R3HDM1: variants seen among roughly 807,000 people sequenced by gnomAD.
R3HDM1 encodes R3H domain containing 1.
A neutral mutation model predicts 141.1 loss-of-function variants in R3HDM1; 46 were observed. The observed-to-expected ratio is 0.33, with a 90% confidence interval of 0.26 to 0.42. The LOEUF is 0.42. Ranked by LOEUF, R3HDM1 falls within the 10% of genes least tolerant of loss-of-function variation. R3HDM1 has a pLI of 1.00. For synonymous variants in R3HDM1, 435 were observed against 472.9 expected (o/e 0.92, Z 1.04); for missense variants, 1,184 against 1,368.3 (o/e 0.87, Z 2.12).
chr2:135,658,585 G>A (rs2066233901), intron 18 of R3HDM1, among the ~76,000 whole-genome samples: 1 of 152,132 alleles, frequency 6.6e-6, no homozygotes. Flanking sequence ...TTTTACTACT[G>A]TAGACTTCAT....
intron 1 of R3HDM1, among the ~76,000 whole-genome samples, chr2:135,556,413 A>T (rs1700772491): frequency 6.6e-6 from 1 of 152,198 alleles, no homozygotes; most frequent in African/African-American, 2.4e-5. Flanking sequence ...GTTTTTTGAA[A>T]ACACTAGAAC....
intron 1 of R3HDM1, chr2:135,550,264 C>G (rs1699581959): frequency 1.0e-6 from 1 of 966,666 alleles, no homozygotes; most frequent in Admixed American, 6.2e-5. Flanking sequence ...TGTTTTTAGT[C>G]TAGCATTTAA....
chr2:135,606,818 A>G (rs990877545), intron 3 of R3HDM1: 2 of 151,792 alleles, frequency 1.3e-5, no homozygotes, highest in African/African-American at 4.8e-5. Context: ...TTGCTTTGCA[A>G]TTAAAGAATT....
At chr2:135,679,201 T>C (rs1282455417) in intron 20 of R3HDM1, among the ~76,000 whole-genome samples, 1 of 151,858 alleles carries the variant, frequency 6.6e-6, no homozygotes, top group Non-Finnish European at 1.5e-5. Flanking sequence ...GAACCCTTTA[T>C]GCCTGTGTTG....
intron 1 of R3HDM1, among the ~76,000 whole-genome samples, chr2:135,599,062 C>T (rs2059415768): frequency 6.6e-6 from 1 of 152,122 alleles, no homozygotes; most frequent in Admixed American, 6.5e-5. Flanking sequence ...AAAAAGATTT[C>T]CTATATATCC....
chr2:135,561,253 CT>C (rs1474424279), intron 1 of R3HDM1: 1 of 975,096 alleles, frequency 1.0e-6, no homozygotes, highest in Non-Finnish European at 1.2e-6. Flanking sequence ...AAATTTTTCT[CT>C]TTTTAGTGAG....
chr2:135,677,608 G>A (rs961941522), intron 20 of R3HDM1, among the ~76,000 whole-genome samples: 2 of 152,054 alleles, frequency 1.3e-5, no homozygotes, highest in Non-Finnish European at 2.9e-5. Flanking sequence ...CAGAGCTAAG[G>A]TAGTGGTCAT....
At chr2:135,645,146 A>T in intron 15 of R3HDM1, 1 of 333,020 alleles carries the variant, frequency 3.0e-6, no homozygotes, top group Admixed American at 4.6e-5. Flanking sequence ...GTACCCCATA[A>T]TAAGAAATGC....
intron 1 of R3HDM1, among the ~76,000 whole-genome samples, chr2:135,595,114 C>T (rs1710327062): frequency 6.6e-6 from 1 of 152,086 alleles, no homozygotes; most frequent in African/African-American, 2.4e-5. Context: ...TCTATATATC[C>T]AATTTTCTGT....
chr2:135,628,824 C>T (rs1199569800), intron 7 of R3HDM1, among the ~76,000 whole-genome samples: 1 of 152,078 alleles, frequency 6.6e-6, no homozygotes, highest in Non-Finnish European at 1.5e-5. Flanking sequence ...GGGGGTTTCT[C>T]CGTGTTGGTC....
At chr2:135,620,548 A>G in intron 5 of R3HDM1, 13 of 984,020 alleles carry the variant, frequency 1.3e-5, no homozygotes, top group Non-Finnish European at 1.6e-5. Context: ...TAAGAAGAAG[A>G]AAAGAGATGA....
At chr2:135,676,991 A>T (rs999134330) in intron 20 of R3HDM1, among the ~76,000 whole-genome samples, 2 of 152,184 alleles carry the variant, frequency 1.3e-5, no homozygotes, top group Non-Finnish European at 2.9e-5. Flanking sequence ...GAGGATCATG[A>T]AATACAGCAA....
chr2:135,710,255 A>G, intron 23 of R3HDM1, 24 bp downstream of exon 23: 6 of 1,591,078 alleles, frequency 3.8e-6, no homozygotes, highest in South Asian at 1.1e-5. Context: ...GTTCATTATC[A>G]TTTTGAAACG....
At chr2:135,545,860 T>C (rs1302206919) in intron 1 of R3HDM1, among the ~76,000 whole-genome samples, 1 of 152,224 alleles carries the variant, frequency 6.6e-6, no homozygotes, top group Non-Finnish European at 1.5e-5. Context: ...TAAACAAAAG[T>C]ACCTGTGTTT....
chr2:135,607,977 T>C, intron 3 of R3HDM1: 1 of 982,358 alleles, frequency 1.0e-6, no homozygotes, highest in Non-Finnish European at 1.2e-6. Flanking sequence ...TTTATGTTAA[T>C]CTGGTGAATG....
chr2:135,536,522 A>G (rs974451762), intron 1 of R3HDM1: 16 of 923,806 alleles, frequency 1.7e-5, no homozygotes, highest in Admixed American at 1.2e-4. Flanking sequence ...ACAACTCCCT[A>G]TAACAACTTC....
At chr2:135,649,203 TACAGGCGCCCGCCACCATGCCC>T (rs2064849272) in intron 16 of R3HDM1, 3 of 152,202 alleles carry the variant, frequency 2.0e-5, no homozygotes, top group Non-Finnish European at 4.4e-5. Context: ...GTAGCTGGGC[TACAGGCGCCCGCCACCATGCCC>T]GGCTAATTTT....
intron 21 of R3HDM1, among the ~76,000 whole-genome samples, chr2:135,703,880 T>G (rs906803471): frequency 6.6e-6 from 1 of 152,234 alleles, no homozygotes; most frequent in Non-Finnish European, 1.5e-5. Context: ...TGGAAATTAC[T>G]ATGACTTTGA....
chr2:135,721,957 T>C lies in R3HDM1; in HGVS notation c.2915T>C (p.Leu972Pro). The C allele has an allele frequency of 6.2e-7, 1 of 1,613,956 alleles. No individual in the cohort carries two copies. The highest frequency in any genetic ancestry group is 2.2e-5 in the East Asian group (1 of 44,882). ...AGGTATCCATTACTTGGCCAGCCAC[T>C]GCAGTACAATCCTCCTGCTGTTCTG... ...DSRYPLLGQP[L>P]QYNPPAVLHG... is the part of the protein sequence containing the mutation. The change falls in exon 25 of 27, where the codon CTG becomes CCG. Residue 972 changes from leucine (L) to proline (P), a missense_variant. By Grantham distance (98) the Leu-to-Pro change is moderately conservative. Transcript: ENST00000683871.
Sources: allele counts gnomAD v4.1 joint callset (sites outside exome capture counted in the v4.1 genomes callset), GRCh38; gene constraint gnomAD v4.1.1; transcripts MANE v1.5; gene names NCBI Gene and HGNC (gene_info 2026-07-23, HGNC 2026-07-21).